Variants in ITPRID1 observed in about 807,000 individuals in gnomAD.
ITPRID1 encodes ITPR interacting domain containing 1.
In ITPRID1, 96 loss-of-function variants were observed where a neutral mutation model predicts 95.4. The ratio of observed to expected loss-of-function variants is 1.01; its 90% CI spans 0.85 to 1.19. The LOEUF (loss-of-function observed/expected upper bound fraction) is 1.19. ITPRID1 is among the 50% of genes most tolerant of loss of function. The pLI, the probability that ITPRID1 is intolerant of heterozygous loss-of-function variation, is 0.00. For missense variants in ITPRID1, 1,339 were observed against 1,252.9 expected (o/e 1.07, Z -1.04); for synonymous variants, 510 against 453.6 (o/e 1.12, Z -1.58).
In ITPRID1 at chr7:31,643,282, A is replaced by G; in HGVS notation, c.1912A>G (p.Ser638Gly). ...CAACCACAGCTTACTCGTACCAGAA[A>G]GCTCATCACAGTGTATCCCCAAGCA... ...HTNHSLLVPE[S>G]SSQCIPKHSE... Residue 638 changes from serine to glycine, a missense_variant, in exon 12 of 15, where the codon AGC becomes GGC. By Grantham distance (56) the Ser-to-Gly change is moderately conservative. Transcript: ENST00000615280. 1 of 1,613,838 alleles carries G rather than the reference A, an allele frequency of 6.2e-7. No individual in the cohort carries two copies. The highest frequency in any genetic ancestry group is 1.1e-5 in the South Asian group (1 of 91,068).
chr7:31,648,917 T>A (rs763888848), intron 12 of ITPRID1, among the ~76,000 whole-genome samples: 1 of 152,228 alleles, frequency 6.6e-6, no homozygotes, highest in African/African-American at 2.4e-5. Context: ...ACAAGTTAAC[T>A]AGCCATTCTA....
At chr7:31,628,256 C>T (rs1467481625) in intron 10 of ITPRID1, among the ~76,000 whole-genome samples, 1 of 152,056 alleles carries the variant, frequency 6.6e-6, no homozygotes, top group Non-Finnish European at 1.5e-5. Flanking sequence ...TGATGGAACA[C>T]AAGAGAAAGC....
rs564477169 is a variant in ITPRID1, at chr7:31,643,140, A to G, written c.1770A>G (p.Gln590=). 4 of 1,613,964 alleles carry G rather than the reference A, an allele frequency of 2.5e-6. No homozygotes were observed. The African/African-American group carries it at 5.3e-5, about 22-fold the overall frequency. ...GGCCTGAGGGAGCTGGCAAAGTGCA[A>G]AGCCACCACAATGAGTCTCAAAGGT... ...FVRPEGAGKV[Q]SHHNESQRSP... Residue 590 remains glutamine, a synonymous_variant, in exon 12 of 15, where the codon CAA becomes CAG. Coordinates refer to ENST00000615280, the MANE Select transcript of ITPRID1 (RefSeq NM_001257967.3).
At chr7:31,592,281 C>T (rs975281736) in intron 10 of ITPRID1, among the ~76,000 whole-genome samples, 2 of 152,148 alleles carry the variant, frequency 1.3e-5, no homozygotes, top group African/African-American at 4.8e-5. Context: ...CTAGCAACTG[C>T]CAACTATGTA....
At chr7:31,615,314 G>T (rs1272424885) in intron 10 of ITPRID1, among the ~76,000 whole-genome samples, 1 of 152,122 alleles carries the variant, frequency 6.6e-6, no homozygotes, top group Non-Finnish European at 1.5e-5. Flanking sequence ...GTAATCTACG[G>T]TAAGTTATTG....
chr7:31,540,264 G>A (rs112720467), intron 1 of ITPRID1, among the ~76,000 whole-genome samples: 1 of 152,178 alleles, frequency 6.6e-6, no homozygotes, highest in African/African-American at 2.4e-5. Flanking sequence ...GGGGGTGAAG[G>A]GTTCCAGGCA....
intron 8 of ITPRID1, among the ~76,000 whole-genome samples, chr7:31,576,805 G>A (rs1016392647): frequency 6.6e-6 from 1 of 152,130 alleles, no homozygotes; most frequent in Non-Finnish European, 1.5e-5. Flanking sequence ...CCTTCGCTGA[G>A]TTATGCAACC....
intron 10 of ITPRID1, among the ~76,000 whole-genome samples, chr7:31,590,031 T>C (rs1230962234): frequency 2.0e-5 from 3 of 151,970 alleles, no homozygotes; most frequent in East Asian, 3.9e-4. Flanking sequence ...CTAACAAAAA[T>C]TTATATACAT....
At chr7:31,574,488 T>C (rs1315241135) in intron 7 of ITPRID1, 52 bp from the exon 8 acceptor site, 3 of 1,534,470 alleles carry the variant, frequency 2.0e-6, no homozygotes, top group Non-Finnish European at 2.7e-6. Flanking sequence ...CAGAAAAAAA[T>C]GGTGTTGGGT....
chr7:31,527,424 A>G (rs1046675410), intron 1 of ITPRID1, among the ~76,000 whole-genome samples: 5 of 152,070 alleles, frequency 3.3e-5, no homozygotes, highest in Non-Finnish European at 1.5e-5. Context: ...CCTCACTCCT[A>G]CTTTCCTATT....
intron 5 of ITPRID1, among the ~76,000 whole-genome samples, chr7:31,565,390 G>A (rs1784762810): frequency 6.6e-6 from 1 of 152,198 alleles, no homozygotes; most frequent in Non-Finnish European, 1.5e-5. Context: ...CTGTATGTCT[G>A]AATGTACTGT....
Position 31,577,870 on chromosome 7 carries a change from C to T in ITPRID1, c.606C>T (p.Phe202=). The change falls in exon 9 of 15, where the codon TTC becomes TTT. Residue 202 remains phenylalanine, a synonymous_variant. Coordinates refer to ENST00000615280, the MANE Select transcript of ITPRID1 (RefSeq NM_001257967.3). ...GTTTCTTGTGTTGTGCAGGTCGTTT[C>T]CGACAGCTGGAAATCCTGGACCATG... ...DIENPNLYGR[F]RQLEILDHVT... The T allele has an allele frequency of 6.3e-7, 1 of 1,590,148 alleles. No individual in the cohort carries two copies. Among genetic ancestry groups the T allele is most frequent in the Non-Finnish European group, 8.6e-7 (1 of 1,168,318 alleles).
intron 10 of ITPRID1, among the ~76,000 whole-genome samples, chr7:31,616,455 TTGTGTTAAAG>T (rs1787239627): frequency 6.6e-6 from 1 of 152,108 alleles, no homozygotes; most frequent in Non-Finnish European, 1.5e-5. Context: ...CAGGGAGAGT[TTGTGTTAAAG>T]TGATGTATTA....
At chr7:31,552,204 G>C (rs967381139) in intron 2 of ITPRID1, among the ~76,000 whole-genome samples, 1 of 142,854 alleles carries the variant, frequency 7.0e-6, no homozygotes, top group African/African-American at 2.5e-5. Context: ...TGCAAGGTGT[G>C]TAATATATTC....
chr7:31,580,838 T>C (rs1785376341), intron 9 of ITPRID1, among the ~76,000 whole-genome samples: 1 of 152,186 alleles, frequency 6.6e-6, no homozygotes, highest in South Asian at 2.1e-4. Flanking sequence ...TATGGTGTTA[T>C]TATGTTCTAG....
chr7:31,650,035 A>T (rs966562893), intron 12 of ITPRID1, among the ~76,000 whole-genome samples: 11 of 152,110 alleles, frequency 7.2e-5, no homozygotes, highest in African/African-American at 2.7e-4. Context: ...CATTAGACCA[A>T]CTGTGTTTGT....
At chr7:31,533,173 C>A (rs1426253596) in intron 1 of ITPRID1, among the ~76,000 whole-genome samples, 1 of 152,046 alleles carries the variant, frequency 6.6e-6, no homozygotes, top group Non-Finnish European at 1.5e-5. Flanking sequence ...ATTACAAATT[C>A]AATTTCTTCA....
At chr7:31,611,478 C>T (rs138042332) in intron 10 of ITPRID1, among the ~76,000 whole-genome samples, 1 of 151,710 alleles carries the variant, frequency 6.6e-6, no homozygotes, top group Non-Finnish European at 1.5e-5. Flanking sequence ...TTTTCACTCC[C>T]ACCTGAAGGA....
intron 5 of ITPRID1, among the ~76,000 whole-genome samples, chr7:31,564,167 T>C (rs1487735755): frequency 6.6e-6 from 1 of 152,190 alleles, no homozygotes; most frequent in African/African-American, 2.4e-5. Flanking sequence ...TCTGCATATC[T>C]AACTACATCT....
Sources: allele counts gnomAD v4.1 joint callset (sites outside exome capture counted in the v4.1 genomes callset), GRCh38; gene constraint gnomAD v4.1.1; transcripts MANE v1.5; gene names NCBI Gene and HGNC (gene_info 2026-07-23, HGNC 2026-07-21).